PRKN: variants seen among roughly 807,000 people sequenced by gnomAD.
The protein encoded by PRKN is E3 ubiquitin-protein ligase parkin.
Under a neutral mutation model 59.5 loss-of-function variants are expected in PRKN, and 56 were observed. The observed-to-expected ratio is 0.94, with a 90% confidence interval of 0.76 to 1.18. The LOEUF is 1.18. Among genes scored for constraint, PRKN ranks in the 50% most tolerant of loss-of-function variants. The pLI is 0.00. For missense variants in PRKN, 657 were observed against 596.4 expected, an observed-to-expected ratio of 1.10 and a Z score of -1.06; for synonymous variants, 250 against 222.1, an observed-to-expected ratio of 1.13 and a Z score of -1.12.
rs1785725566 is a variant in PRKN at position 161,376,829 on chromosome 6, C to T, written c.1167+9965G>A. Reference sequence around the variant, plus strand: ...TGTTGAGAGCACCCCAAGACACTCCCTGCCTGCAAGTCTCAGAGCCTGTTC... The same window carrying T: ...TGTTGAGAGCACCCCAAGACACTCCTTGCCTGCAAGTCTCAGAGCCTGTTC... On this transcript the variant is annotated intron_variant, in intron 10 of 11. Transcript: ENST00000366898. The surrounding 1 kb of genome is among the most constrained non-coding windows in gnomAD (Gnocchi z 7.3). 6.6e-6 allele frequency among the ~76,000 whole-genome samples: 1 copy of T among 152,212 alleles called. No individual in the cohort carries two copies. The highest frequency in any genetic ancestry group is 1.5e-5 in the Non-Finnish European group (1 of 68,030).
At chr6:161,728,233 C>A (rs1222019562) in intron 7 of PRKN, among the ~76,000 whole-genome samples, 3 of 140,988 alleles carry the variant, frequency 2.1e-5, no homozygotes, top group African/African-American at 9.7e-5. Flanking sequence ...TTTTCTCCTA[C>A]CAAAATGTGA....
At position 161,844,249 on chromosome 6, in the gene PRKN, T is replaced by C. The variant is rs73785443; in HGVS notation, c.735-58341A>G. Among the ~76,000 whole-genome samples, 1,876 of 152,314 alleles carry C rather than the reference T, an allele frequency of 0.012. 54 individuals are homozygous for C. In the East Asian group the frequency reaches 0.13, roughly 10 times the overall value. ...TATTCCTCGCTTATAATGGTGGCAA[T>C]GACCCTTTCCCTTTGTTACCTAGCT... is the stretch of plus-strand genomic sequence containing the variant. On this transcript the variant is annotated intron_variant, in intron 6 of 11. Transcript: ENST00000366898.
chr6:162,432,143 T>C (rs919973372), intron 2 of PRKN, among the ~76,000 whole-genome samples: 4 of 152,164 alleles, frequency 2.6e-5, no homozygotes, highest in African/African-American at 9.7e-5. Flanking sequence ...CTCAAAACAA[T>C]GCCATTGAGT....
Position 162,120,144 on chromosome 6 carries a change from C to T in PRKN, c.535-65970G>A, listed in dbSNP as rs140951681. 4.7e-3 allele frequency among the ~76,000 whole-genome samples: 719 copies of T among 152,228 alleles called. 5 individuals are homozygous for T. The highest frequency in any genetic ancestry group is 0.016 in the African/African-American group (670 of 41,552). Reference sequence around the variant, plus strand: ...GTGATCCTCCCACATCGACGAGTAACTGGGACCACAAGCACACCCAGCTAA... The same window carrying T: ...GTGATCCTCCCACATCGACGAGTAATTGGGACCACAAGCACACCCAGCTAA... On this transcript the variant is annotated intron_variant, in intron 4 of 11. Coordinates refer to ENST00000366898, the MANE Select transcript of PRKN (RefSeq NM_004562.3).
At position 161,547,682 on chromosome 6, in the gene PRKN, C is replaced by A. The variant is rs1164542262; in HGVS notation, c.1083+1172G>T. Among the ~76,000 whole-genome samples, 2 of 152,180 alleles carry A rather than the reference C, an allele frequency of 1.3e-5. No individual in the cohort carries two copies. Among genetic ancestry groups the A allele is most frequent in the African/African-American group, 4.8e-5 (2 of 41,436 alleles). On this transcript the variant is annotated intron_variant, in intron 9 of 11. Coordinates refer to ENST00000366898, the MANE Select transcript of PRKN (RefSeq NM_004562.3). The surrounding 1 kb of genome is among the most constrained non-coding windows in gnomAD (Gnocchi z 4.0). ...CATTCTGATCCCAGAGGTTGGCAAC[C>A]TGCTGAGGCCACACACAATCATTGC...
intron 7 of PRKN, among the ~76,000 whole-genome samples, chr6:161,577,097 AGT>A (rs1400390514): frequency 6.6e-6 from 1 of 152,228 alleles, no homozygotes. Flanking sequence ...TCTGTCTTAA[AGT>A]GTATTACAAT....
At chr6:162,697,690 T>C (rs1778017904) in intron 1 of PRKN, among the ~76,000 whole-genome samples, 1 of 152,182 alleles carries the variant, frequency 6.6e-6, no homozygotes, top group African/African-American at 2.4e-5. Flanking sequence ...CAATTAAGAC[T>C]TAACTGAGAA....
In PRKN at chr6:161,963,820, G is replaced by C. The variant is rs76197129; in HGVS notation, c.734+9482C>G. 7.3e-3 allele frequency among the ~76,000 whole-genome samples: 1,111 copies of C among 152,254 alleles called. 16 individuals are homozygous for C. The highest frequency in any genetic ancestry group is 0.025 in the African/African-American group (1,056 of 41,532). On this transcript the variant is annotated intron_variant, in intron 6 of 11. Coordinates refer to ENST00000366898, the MANE Select transcript of PRKN (RefSeq NM_004562.3). The stretch of plus-strand genomic sequence containing the variant: ...TTAAACCTCTTTGATGCAAAGTCTT[G>C]TGCTGGCCACGGTAGGGAGGACCAG...
intron 1 of PRKN, among the ~76,000 whole-genome samples, chr6:162,450,301 G>A (rs1790530038): frequency 8.4e-6 from 1 of 119,722 alleles, no homozygotes; most frequent in Non-Finnish European, 1.6e-5. Flanking sequence ...TAACACCCCT[G>A]TGAATATGAA....
intron 2 of PRKN, among the ~76,000 whole-genome samples, chr6:162,338,614 C>T (rs1391554735): frequency 6.6e-6 from 1 of 152,008 alleles, no homozygotes; most frequent in East Asian, 1.9e-4. Flanking sequence ...ACCTACACCT[C>T]CCAGCCGCCT....
At chr6:161,900,660 ATAT>A (rs1409581553) in intron 6 of PRKN, among the ~76,000 whole-genome samples, 1 of 132,094 alleles carries the variant, frequency 7.6e-6, no homozygotes, top group East Asian at 2.0e-4. Flanking sequence ...TATATAACAT[ATAT>A]TATATATGTT....
In PRKN at chr6:161,526,760, A is replaced by G. The variant is rs971754507; in HGVS notation, c.1083+22094T>C. ...CTCTGAAGGTTCGATAATGTAGTCT[A>G]TGAAATAAACTGACAGTAGACAGAT... is the stretch of plus-strand genomic sequence containing the variant. On this transcript the variant is annotated intron_variant, in intron 9 of 11. Transcript: ENST00000366898. This position sits in a 1 kb window ranked among gnomAD's most constrained non-coding sequence, Gnocchi z 4.1. Among the ~76,000 whole-genome samples, 1 of 152,178 alleles carries G rather than the reference A, an allele frequency of 6.6e-6. No individual in the cohort carries two copies. The highest frequency in any genetic ancestry group is 1.5e-5 in the Non-Finnish European group (1 of 68,038).
intron 4 of PRKN, among the ~76,000 whole-genome samples, chr6:162,098,916 C>T (rs1367296236): frequency 1.3e-5 from 2 of 152,132 alleles, no homozygotes; most frequent in East Asian, 3.9e-4. Context: ...GAGATGTGGA[C>T]TTGTCACTCT....
intron 7 of PRKN, among the ~76,000 whole-genome samples, chr6:161,618,835 G>C (rs1203787351): frequency 1.3e-5 from 2 of 152,134 alleles, no homozygotes; most frequent in Admixed American, 6.5e-5. Flanking sequence ...CTTTCACTAA[G>C]TGTAATTAAA....
At chr6:162,465,210 T>C (rs968849626) in intron 1 of PRKN, among the ~76,000 whole-genome samples, 3 of 152,208 alleles carry the variant, frequency 2.0e-5, no homozygotes, top group African/African-American at 7.2e-5. Flanking sequence ...CAAGCTTGCA[T>C]GCAACTCTAG....
At chr6:162,549,232 C>T (rs1007143199) in intron 1 of PRKN, among the ~76,000 whole-genome samples, 2 of 152,112 alleles carry the variant, frequency 1.3e-5, no homozygotes, top group African/African-American at 2.4e-5. Context: ...CCAGAACTTG[C>T]GGACACCTGA....
intron 9 of PRKN, among the ~76,000 whole-genome samples, chr6:161,439,949 T>C (rs1207202696): frequency 1.7e-5 from 2 of 120,068 alleles, no homozygotes; most frequent in Admixed American, 8.0e-5. Flanking sequence ...TTGTTTTGTT[T>C]TGTTTTTTGT....
At chr6:162,514,878 C>A (rs1777779153) in intron 1 of PRKN, among the ~76,000 whole-genome samples, 1 of 152,024 alleles carries the variant, frequency 6.6e-6, no homozygotes. Flanking sequence ...TAAATCTATT[C>A]ATGTAGTATA....
rs548004653 is a variant in PRKN, at chr6:162,303,559, A to G, written c.172-40794T>C. Among the ~76,000 whole-genome samples the G allele has an allele frequency of 4.3e-4, 65 of 152,276 alleles. 2 individuals carry two copies. The highest frequency in any genetic ancestry group is 1.5e-3 in the African/African-American group (64 of 41,556). ...GTACCTACTGGGTATACTAGAAATG[A>G]TGAGATGCTTTTTCATTGGAAATTG... On this transcript the variant is annotated intron_variant, in intron 2 of 11. Transcript: ENST00000366898.
Sources: gnomAD v4.1 joint callset for allele counts (sites outside exome capture counted in the v4.1 genomes callset) on GRCh38, gnomAD v4.1.1 for gene constraint, Gnocchi (gnomAD v3.1) non-coding constraint, MANE v1.5 for transcripts, NCBI Gene and HGNC (gene_info 2026-07-23, HGNC 2026-07-21) for gene names.